Variants in SLC12A6 observed in about 807,000 individuals in gnomAD.
SLC12A6 encodes the protein solute carrier family 12 member 6, also known as K-Cl cotransporter 3.
SLC12A6 carries 66 observed loss-of-function variants against 135.3 expected under a neutral mutation model. That is an observed-to-expected ratio of 0.49 (90% CI 0.40 to 0.60). SLC12A6 has a LOEUF of 0.60. Among genes scored for constraint, SLC12A6 ranks in the 20% least tolerant of loss-of-function variants. The pLI is 0.00. For synonymous variants in SLC12A6, 513 were observed against 508.8 expected (o/e 1.01, Z -0.11); for missense variants, 1,058 against 1,452.3 (o/e 0.73, Z 4.41).
intron 2 of SLC12A6, among the ~76,000 whole-genome samples, chr15:34,333,222 TTTTC>T (rs1022945624): frequency 1.0e-4 from 15 of 150,232 alleles, no homozygotes; most frequent in South Asian, 4.2e-4. Context: ...CTCTATTTTT[TTTTC>T]TTTTTCTTTT....
intron 25 of SLC12A6, among the ~76,000 whole-genome samples, chr15:34,234,644 T>A (rs1452863914): frequency 2.6e-5 from 4 of 152,332 alleles, no homozygotes; most frequent in Admixed American, 1.3e-4. Context: ...AGTGCTGGGA[T>A]TACAGGCATG....
At chr15:34,308,671 TAA>T (rs1171229248) in intron 2 of SLC12A6, among the ~76,000 whole-genome samples, 4 of 148,668 alleles carry the variant, frequency 2.7e-5, no homozygotes, top group African/African-American at 9.9e-5. Context: ...ATTGTTGGAT[TAA>T]GTCAAGTTCA....
rs1277363411 is a variant in SLC12A6 at position 34,231,665 on chromosome 15, C to G, written c.*2216G>C. ...AGTGCAGTGGTGCAATCTCGGTTCA[C>G]TGCAAGTTCCACCTCCCGGGTTCAC... On this transcript the variant is annotated 3_prime_UTR_variant, in exon 26 of 26. Coordinates refer to ENST00000354181, the MANE Select transcript of SLC12A6 (RefSeq NM_001365088.1). 1 of 151,044 alleles carries G rather than the reference C, an allele frequency of 6.6e-6. No homozygotes were observed. Among genetic ancestry groups the G allele is most frequent in the Non-Finnish European group, 1.5e-5 (1 of 67,860 alleles). The allele number at this position is 151,044 out of a possible 1,614,324, so 9.4% of individuals were successfully genotyped here. A position where few individuals can be genotyped will look rare whatever the true frequency, so the allele number is the denominator to read the frequency against.
intron 3 of SLC12A6, among the ~76,000 whole-genome samples, chr15:34,274,600 G>A (rs1894173291): frequency 6.6e-6 from 1 of 152,120 alleles, no homozygotes; most frequent in Non-Finnish European, 1.5e-5. Flanking sequence ...GGATCACGAG[G>A]TCAGGAGATG....
Position 34,322,097 on chromosome 15 carries a change from G to A in SLC12A6, c.271+14313C>T, listed in dbSNP as rs554286069. 8.5e-5 allele frequency among the ~76,000 whole-genome samples: 13 copies of A among 152,270 alleles called. No individual in the cohort carries two copies. In the South Asian group the frequency reaches 1.0e-3, roughly 12 times the overall value. On this transcript the variant is annotated intron_variant, in intron 2 of 25. Transcript: ENST00000354181. ...CTCTGCCAATGTTCACTTAAAACTC[G>A]TGCCTTTGCCGGGCGTGGTGGCTCA...
chr15:34,234,026 GCAT>G, intron 25 of SLC12A6, 54 bp from the exon 26 acceptor site: 1 of 887,956 alleles, frequency 1.1e-6, no homozygotes, highest in South Asian at 1.3e-5. Flanking sequence ...TTAAAACCTG[GCAT>G]CATCATAATC....
chr15:34,288,599 A>C (rs1895288427), intron 2 of SLC12A6, among the ~76,000 whole-genome samples: 1 of 152,166 alleles, frequency 6.6e-6, no homozygotes, highest in Admixed American at 6.5e-5. Flanking sequence ...CATTATATTG[A>C]TTCTTCCTAC....
intron 25 of SLC12A6, among the ~76,000 whole-genome samples, chr15:34,234,893 G>A (rs1159004176): frequency 1.3e-5 from 2 of 152,232 alleles, no homozygotes; most frequent in African/African-American, 4.8e-5. Flanking sequence ...GCGAAAGGAT[G>A]TGGGTATGCT....
intron 2 of SLC12A6, among the ~76,000 whole-genome samples, chr15:34,331,204 G>A (rs991551399): frequency 5.9e-5 from 9 of 152,084 alleles, no homozygotes; most frequent in African/African-American, 1.7e-4. Context: ...ACAGAGTCTC[G>A]CTCTGTCATC....
At chr15:34,308,630 CAA>C (rs536506096) in intron 2 of SLC12A6, among the ~76,000 whole-genome samples, 12,081 of 62,404 alleles carry the variant, frequency 0.19, 135 homozygotes, top group African/African-American at 0.27. Context: ...GTCCACCTGA[CAA>C]AAAAAAAAAA....
chr15:34,310,965 TAG>T (rs1230550253), intron 2 of SLC12A6, among the ~76,000 whole-genome samples: 2 of 152,264 alleles, frequency 1.3e-5, no homozygotes, highest in South Asian at 4.1e-4. Context: ...AACAATTATT[TAG>T]TTAATAGTCT....
chr15:34,305,820 C>T (rs1896569890), intron 2 of SLC12A6, among the ~76,000 whole-genome samples: 1 of 149,676 alleles, frequency 6.7e-6, no homozygotes, highest in Non-Finnish European at 1.5e-5. Context: ...GGGAGTGGCG[C>T]GATCTCGGCT....
chr15:34,328,793 A>C (rs373676667), intron 2 of SLC12A6, among the ~76,000 whole-genome samples: 52 of 152,114 alleles, frequency 3.4e-4, no homozygotes, highest in African/African-American at 1.1e-3. Flanking sequence ...TGAGGTGGGA[A>C]GATGGCTTGA....
intron 13 of SLC12A6, among the ~76,000 whole-genome samples, chr15:34,248,304 T>C (rs1453289222): frequency 1.3e-5 from 2 of 152,220 alleles, no homozygotes; most frequent in Non-Finnish European, 2.9e-5. Context: ...ATAACACTAC[T>C]GTGAAAATTC....
At position 34,336,713 on chromosome 15, in the gene SLC12A6, G is replaced by T. The variant is rs139280382; in HGVS notation, c.-33C>A. ...TTTTTAAGAACAAAAAAAGTGGGGG[G>T]AACCTCGCAAAATCTTCCTCTTACG... On this transcript the variant is annotated 5_prime_UTR_variant, in exon 2 of 26. Coordinates refer to ENST00000354181, the MANE Select transcript of SLC12A6 (RefSeq NM_001365088.1). 4 of 1,603,190 alleles carry T rather than the reference G, an allele frequency of 2.5e-6. No individual in the cohort carries two copies. Among genetic ancestry groups the T allele is most frequent in the Non-Finnish European group, 2.6e-6 (3 of 1,170,130 alleles).
intron 5 of SLC12A6, among the ~76,000 whole-genome samples, chr15:34,258,323 A>C (rs994530616): frequency 1.3e-5 from 2 of 152,206 alleles, no homozygotes; most frequent in Non-Finnish European, 2.9e-5. Flanking sequence ...AAACCCAACA[A>C]CTTCACAACA....
At chr15:34,292,386 T>C (rs1036294618) in intron 2 of SLC12A6, among the ~76,000 whole-genome samples, 1 of 151,992 alleles carries the variant, frequency 6.6e-6, no homozygotes. Context: ...GGAACCTGCT[T>C]GTATGAGGTG....
At chr15:34,321,522 T>C (rs768779352) in intron 2 of SLC12A6, among the ~76,000 whole-genome samples, 1 of 152,184 alleles carries the variant, frequency 6.6e-6, no homozygotes, top group Non-Finnish European at 1.5e-5. Flanking sequence ...CAAAAAGAAC[T>C]TTCATACACT....
chr15:34,314,897 AG>A (rs1214513469), intron 2 of SLC12A6: 1 of 152,214 alleles, frequency 6.6e-6, no homozygotes, highest in Non-Finnish European at 1.5e-5. Flanking sequence ...GATGACTTTC[AG>A]GGGTTCAAGA....
Sources: allele counts gnomAD v4.1 joint callset (sites outside exome capture counted in the v4.1 genomes callset), GRCh38; gene constraint gnomAD v4.1.1; transcripts MANE v1.5; gene names NCBI Gene and HGNC (gene_info 2026-07-23, HGNC 2026-07-21).